Variants in RNASET2 observed in about 807,000 individuals in gnomAD.
RNASET2 encodes the protein ribonuclease 6.
In RNASET2, 28 loss-of-function variants were observed where a neutral mutation model predicts 33.9. That is an observed-to-expected ratio of 0.83 (90% CI 0.61 to 1.13). The LOEUF (loss-of-function observed/expected upper bound fraction) is 1.13, where lower values mean the gene tolerates loss of function less well. RNASET2 is among the 50% of genes most tolerant of loss of function. The pLI, the probability that RNASET2 is intolerant of heterozygous loss-of-function variation, is 0.00. For synonymous variants in RNASET2, 123 were observed against 121.0 expected (o/e 1.02, Z -0.11); for missense variants, 330 against 319.9 (o/e 1.03, Z -0.24).
At chr6:166,951,907 C>T (rs1778993801) in intron 2 of RNASET2, among the ~76,000 whole-genome samples, 6 of 152,072 alleles carry the variant, frequency 3.9e-5, no homozygotes, top group Admixed American at 3.9e-4. Context: ...CCGTGTCCTC[C>T]CAGAAGATAT....
At chr6:166,953,879 C>CAAAAA (rs548523987) in intron 1 of RNASET2, among the ~76,000 whole-genome samples, 14 of 110,744 alleles carry the variant, frequency 1.3e-4, no homozygotes, top group African/African-American at 4.5e-4. Context: ...GACCCTGTCT[C>CAAAAA]AAAAAAAAAA....
chr6:166,935,210 G>T (rs1299145715), intron 6 of RNASET2: 1 of 77,518 alleles, frequency 1.3e-5, no homozygotes, highest in East Asian at 5.8e-4. Context: ...TTCAGACTTT[G>T]CAGTTAAAAA....
chr6:166,954,464 T>A (rs1472244260), intron 1 of RNASET2, among the ~76,000 whole-genome samples: 1 of 152,222 alleles, frequency 6.6e-6, no homozygotes. Context: ...ACTGTTACTA[T>A]TTCTACTTTA....
chr6:166,955,335 GCACACGCACACGCACGCA>G (rs1779120571), intron 1 of RNASET2: 3 of 83,350 alleles, frequency 3.6e-5, no homozygotes, highest in African/African-American at 2.4e-4. Flanking sequence ...ACGCACGCAC[GCACACGCACACGCACGCA>G]CACACACACG....
intron 1 of RNASET2, among the ~76,000 whole-genome samples, chr6:166,954,646 A>G (rs1182074675): frequency 6.6e-6 from 1 of 152,220 alleles, no homozygotes; most frequent in Non-Finnish European, 1.5e-5. Context: ...CAGAAAATAC[A>G]CTTTCCGGAA....
intron 7 of RNASET2, chr6:166,931,563 C>T (rs1778441741): frequency 4.8e-6 from 1 of 207,350 alleles, no homozygotes; most frequent in Admixed American, 5.3e-5. Flanking sequence ...CATTCTCCTT[C>T]ACAGAAGAAA....
At chr6:166,938,558 T>C (rs774352685) in intron 6 of RNASET2, 1 of 575,570 alleles carries the variant, frequency 1.7e-6, no homozygotes, top group Admixed American at 1.9e-5. Context: ...AACGACTTAT[T>C]AATGCACTAT....
Position 166,925,148 on chromosome 6 carries a change from G to A in RNASET2, c.*4440C>T, listed in dbSNP as rs371453004. Among the ~76,000 whole-genome samples, 272 of 146,122 alleles carry A rather than the reference G, an allele frequency of 1.9e-3. 1 individual carries two copies. The highest frequency in any genetic ancestry group is 6.5e-3 in the African/African-American group (252 of 38,954). On this transcript the variant is annotated 3_prime_UTR_variant, in exon 9 of 9. Transcript: ENST00000508775. ...CCTCTGCTGCCCAGGCCTCATCTAC[G>A]CCATCCAGCCCTCACTCCTGCCGCC...
intron 5 of RNASET2, among the ~76,000 whole-genome samples, chr6:166,941,493 T>C (rs1778692566): frequency 6.6e-6 from 1 of 152,340 alleles, no homozygotes; most frequent in African/African-American, 2.4e-5. Context: ...CAACTTATCA[T>C]GGCCATTATT....
rs1341803977 is a variant in RNASET2 at position 166,933,999 on chromosome 6, C to T, written c.492+92G>A. On this transcript the variant is annotated intron_variant, in intron 7 of 8. Coordinates refer to ENST00000508775, the MANE Select transcript of RNASET2 (RefSeq NM_003730.6). The surrounding 1 kb of genome is among the most constrained non-coding windows in gnomAD (Gnocchi z 4.1). ...AGTAGGAAGGGGGTTTGCACTGGGG[C>T]AATTTACAGCCCATTGACTCAGAGG... 6.8e-6 allele frequency: 6 copies of T among 882,260 alleles called. No individual in the cohort carries two copies. The highest frequency in any genetic ancestry group is 2.4e-5 in the East Asian group (1 of 41,674). 54.7% of individuals were successfully genotyped at this position (882,260 alleles called of 1,614,324 possible).
intron 3 of RNASET2, among the ~76,000 whole-genome samples, chr6:166,948,161 C>G (rs1404040620): frequency 6.6e-6 from 1 of 152,010 alleles, no homozygotes; most frequent in Non-Finnish European, 1.5e-5. Flanking sequence ...GCCTGACAAA[C>G]ATGGTGAAAT....
At chr6:166,954,784 C>T (rs1429592327) in intron 1 of RNASET2, among the ~76,000 whole-genome samples, 4 of 152,156 alleles carry the variant, frequency 2.6e-5, no homozygotes, top group South Asian at 2.1e-4. Context: ...GAGGCCGAGG[C>T]GGGCGGATCA....
intron 6 of RNASET2, among the ~76,000 whole-genome samples, chr6:166,935,704 G>A (rs1778549959): frequency 1.3e-5 from 2 of 152,180 alleles, no homozygotes; most frequent in Non-Finnish European, 1.5e-5. Context: ...TTGACACAGA[G>A]TCTTGCTCTG....
At chr6:166,950,454 AT>A (rs2128647145) in intron 2 of RNASET2, among the ~76,000 whole-genome samples, 1 of 152,332 alleles carries the variant, frequency 6.6e-6, no homozygotes, top group East Asian at 1.9e-4. Context: ...GCAAAATTTC[AT>A]TTTCGTTTGT....
At chr6:166,953,717 T>C (rs1278062536) in intron 1 of RNASET2, 2 of 152,150 alleles carry the variant, frequency 1.3e-5, no homozygotes, top group African/African-American at 2.4e-5. Context: ...TGAAACCCTG[T>C]CTCTACAAAA....
chr6:166,933,797 G>A lies in RNASET2; in HGVS notation c.492+294C>T. ...ATAAGACTACGTTATAAAAGTGAATGTGACTCTTGAAACTGCAGATTCCAC... is the reference window on the plus strand; with the variant it reads ...ATAAGACTACGTTATAAAAGTGAATATGACTCTTGAAACTGCAGATTCCAC... On this transcript the variant is annotated intron_variant, in intron 7 of 8. Coordinates refer to ENST00000508775, the MANE Select transcript of RNASET2 (RefSeq NM_003730.6). The surrounding 1 kb of genome is among the most constrained non-coding windows in gnomAD (Gnocchi z 4.1). 1 of 488,958 alleles carries A rather than the reference G, an allele frequency of 2.0e-6. No individual in the cohort carries two copies. The highest frequency in any genetic ancestry group is 3.6e-5 in the Admixed American group (1 of 27,918). The allele number at this position is 488,958 out of a possible 1,614,324, so 30.3% of individuals were successfully genotyped here.
intron 2 of RNASET2, among the ~76,000 whole-genome samples, chr6:166,950,657 C>T (rs1489964069): frequency 1.3e-5 from 2 of 152,216 alleles, no homozygotes; most frequent in Non-Finnish European, 2.9e-5. Flanking sequence ...AGGTGCAGAT[C>T]CAGGCAGTGT....
chr6:166,951,988 A>G lies in RNASET2; in HGVS notation c.147+500T>C, dbSNP rs192572922. On this transcript the variant is annotated intron_variant, in intron 2 of 8. Transcript: ENST00000508775. ...TGGACACAGGGTCTTTGCAGATGTCATCAAGAAAAGGTGATACCAGATTAG... is the reference window on the plus strand; with the variant it reads ...TGGACACAGGGTCTTTGCAGATGTCGTCAAGAAAAGGTGATACCAGATTAG... 2.2e-3 allele frequency among the ~76,000 whole-genome samples: 330 copies of G among 152,322 alleles called. 5 individuals carry two copies. The highest frequency in any genetic ancestry group is 0.019 in the Admixed American group (289 of 15,298).
chr6:166,939,960 A>G (rs1282158886), intron 5 of RNASET2, among the ~76,000 whole-genome samples: 1 of 152,242 alleles, frequency 6.6e-6, no homozygotes, highest in Non-Finnish European at 1.5e-5. Context: ...CAAGGCGGAA[A>G]TATCACTGCT....
Sources: allele counts gnomAD v4.1 joint callset (sites outside exome capture counted in the v4.1 genomes callset), GRCh38; gene constraint gnomAD v4.1.1; non-coding constraint Gnocchi (gnomAD v3.1); transcripts MANE v1.5; gene names NCBI Gene and HGNC (gene_info 2026-07-23, HGNC 2026-07-21).